SEC24B: variants seen among roughly 807,000 people sequenced by gnomAD.
SEC24B encodes the protein protein transport protein Sec24B.
A neutral mutation model predicts 142.8 loss-of-function variants in SEC24B; 45 were observed. The ratio of observed to expected loss-of-function variants is 0.32; its 90% confidence interval spans 0.25 to 0.40. The LOEUF (loss-of-function observed/expected upper bound fraction) is 0.40, where lower values mean the gene tolerates loss of function less well. SEC24B is among the 10% of genes least tolerant of loss of function. SEC24B has a pLI of 1.00. For synonymous variants in SEC24B, 574 were observed against 568.2 expected, an observed-to-expected ratio of 1.01 and a Z score of -0.15; for missense variants, 1,409 against 1,526.8, an observed-to-expected ratio of 0.92 and a Z score of 1.29.
intron 1 of SEC24B, among the ~76,000 whole-genome samples, chr4:109,453,816 A>G (rs1380940002): frequency 1.3e-5 from 2 of 152,136 alleles, no homozygotes; most frequent in Non-Finnish European, 2.9e-5. Flanking sequence ...TTCACAATTT[A>G]TATTCTTCTG....
At chr4:109,511,520 G>A (rs901346729) in intron 8 of SEC24B, among the ~76,000 whole-genome samples, 9 of 152,162 alleles carry the variant, frequency 5.9e-5, no homozygotes, top group African/African-American at 2.2e-4. Context: ...GCATAGAGAT[G>A]TAATTTTTTT....
chr4:109,497,850 A>G (rs1735688732), intron 6 of SEC24B, among the ~76,000 whole-genome samples: 1 of 152,142 alleles, frequency 6.6e-6, no homozygotes, highest in East Asian at 1.9e-4. Flanking sequence ...TCATTTTTCA[A>G]CTTTAGCAGT....
chr4:109,479,122 A>G (rs1362106951), intron 3 of SEC24B, among the ~76,000 whole-genome samples: 3 of 152,214 alleles, frequency 2.0e-5, no homozygotes, highest in South Asian at 4.1e-4. Flanking sequence ...GCCTGAGGGT[A>G]CTTTAATGGT....
chr4:109,434,397 G>A (rs527347571), intron 1 of SEC24B, among the ~76,000 whole-genome samples: 99 of 152,310 alleles, frequency 6.5e-4, no homozygotes, highest in African/African-American at 2.3e-3. Flanking sequence ...CGACCCCTTG[G>A]CTGCGAGAGC....
At chr4:109,456,258 C>T (rs1488007202) in intron 1 of SEC24B, among the ~76,000 whole-genome samples, 1 of 150,928 alleles carries the variant, frequency 6.6e-6, no homozygotes, top group Admixed American at 6.6e-5. Context: ...TTATTAATTC[C>T]AGGCATTTTT....
chr4:109,521,368 G>A, intron 13 of SEC24B, 52 bp from the exon 14 acceptor site: 2 of 1,464,502 alleles, frequency 1.4e-6, no homozygotes, highest in Non-Finnish European at 1.9e-6. Flanking sequence ...TTTAAAATAA[G>A]ATTATTCCTT....
At chr4:109,474,906 A>C (rs1732942172) in intron 3 of SEC24B, among the ~76,000 whole-genome samples, 1 of 152,226 alleles carries the variant, frequency 6.6e-6, no homozygotes, top group Non-Finnish European at 1.5e-5. Flanking sequence ...AATATATCAG[A>C]TACTTTATAT....
At chr4:109,478,030 C>G (rs988473210) in intron 3 of SEC24B, among the ~76,000 whole-genome samples, 2 of 152,102 alleles carry the variant, frequency 1.3e-5, no homozygotes, top group Admixed American at 6.5e-5. Flanking sequence ...GCCTGTAATA[C>G]CAGCACTTTG....
chr4:109,479,994 G>A (rs76474258), intron 3 of SEC24B, among the ~76,000 whole-genome samples: 1 of 151,902 alleles, frequency 6.6e-6, no homozygotes, highest in South Asian at 2.1e-4. Flanking sequence ...ATTTTACATT[G>A]ATTTTATTTT....
At chr4:109,535,367 C>A (rs1053500531) in intron 22 of SEC24B, among the ~76,000 whole-genome samples, 5 of 152,030 alleles carry the variant, frequency 3.3e-5, no homozygotes, top group Non-Finnish European at 5.9e-5. Context: ...TCCTGGCCAA[C>A]ATGGTGAAAC....
intron 1 of SEC24B, among the ~76,000 whole-genome samples, chr4:109,455,512 A>G (rs553462611): frequency 2.2e-4 from 34 of 152,266 alleles, no homozygotes; most frequent in African/African-American, 8.2e-4. Context: ...AAATGCTGGG[A>G]TTACAGGCAT....
intron 23 of SEC24B, among the ~76,000 whole-genome samples, chr4:109,539,017 G>A (rs1270195110): frequency 2.0e-5 from 3 of 151,546 alleles, no homozygotes; most frequent in Non-Finnish European, 2.9e-5. Context: ...GCTGGAGTGC[G>A]ATGGTGCGAT....
intron 3 of SEC24B, among the ~76,000 whole-genome samples, chr4:109,480,731 G>T (rs1733654402): frequency 6.6e-6 from 1 of 151,952 alleles, no homozygotes; most frequent in African/African-American, 2.4e-5. Context: ...CTCCCACCTT[G>T]GCCTCCCAAA....
At chr4:109,527,242 A>AAAG (rs1578991002) in intron 17 of SEC24B, 80 bp from the exon 18 acceptor site, 4 of 1,014,148 alleles carry the variant, frequency 3.9e-6, no homozygotes, top group Non-Finnish European at 5.9e-6. Flanking sequence ...AGAAAGAAAG[A>AAAG]AAGAAAAAAA....
intron 5 of SEC24B, among the ~76,000 whole-genome samples, chr4:109,494,401 A>C (rs1735321505): frequency 6.6e-6 from 1 of 152,194 alleles, no homozygotes; most frequent in Admixed American, 6.5e-5. Context: ...ACAACATGTA[A>C]AACAAGATAA....
intron 5 of SEC24B, among the ~76,000 whole-genome samples, chr4:109,493,505 G>A (rs368396002): frequency 6.6e-6 from 1 of 151,950 alleles, no homozygotes; most frequent in Non-Finnish European, 1.5e-5. Flanking sequence ...GTTTTCTGCA[G>A]TTTTTTTGTT....
In SEC24B at chr4:109,517,975, ATTTATTTT is replaced by A. The variant is rs1264907120; in HGVS notation, c.2126+1338_2126+1345del. Among the ~76,000 whole-genome samples the A allele has an allele frequency of 8.3e-3, 1,242 of 150,512 alleles. 16 individuals are homozygous for A. Among genetic ancestry groups the A allele is most frequent in the African/African-American group, 0.029 (1,185 of 40,680 alleles). ...TATTTATTTATTTATTTATTTATTTATTTATTTTTTGAGACAGAGTCTCGCTCTGTTGC... is the reference window on the plus strand; with the variant it reads ...TATTTATTTATTTATTTATTTATTTATTGAGACAGAGTCTCGCTCTGTTGC... On this transcript the variant is annotated intron_variant, in intron 11 of 23. Coordinates refer to ENST00000265175, the MANE Select transcript of SEC24B (RefSeq NM_006323.5).
chr4:109,501,954 T>A (rs1736201157), intron 6 of SEC24B, among the ~76,000 whole-genome samples: 1 of 152,060 alleles, frequency 6.6e-6, no homozygotes, highest in African/African-American at 2.4e-5. Context: ...AGTAAACAAA[T>A]AAAGAATTAA....
chr4:109,539,693 T>A lies in SEC24B; in HGVS notation c.*18T>A, dbSNP rs762291918. ...GTAAGTGAAGTAGAATAAAATTGAA[T>A]AAGAAAAAGATCTATAACCTAGGTA... On this transcript the variant is annotated 3_prime_UTR_variant, in exon 24 of 24. Transcript: ENST00000265175. 1 of 1,495,432 alleles carries A rather than the reference T, an allele frequency of 6.7e-7. No homozygotes were observed. The highest frequency in any genetic ancestry group is 1.1e-5 in the South Asian group (1 of 87,170). The allele number at this position is 1,495,432 out of a possible 1,614,324, so 92.6% of individuals were successfully genotyped here.
Sources: gnomAD v4.1 joint callset for allele counts (sites outside exome capture counted in the v4.1 genomes callset) on GRCh38, gnomAD v4.1.1 for gene constraint, MANE v1.5 for transcripts, NCBI Gene and HGNC (gene_info 2026-07-23, HGNC 2026-07-21) for gene names.